PCDHGA12: variants seen among roughly 807,000 people sequenced by gnomAD.
The protein encoded by PCDHGA12 is protocadherin gamma-A12.
A neutral mutation model predicts 61.1 loss-of-function variants in PCDHGA12; 43 were observed. The ratio of observed to expected loss-of-function variants is 0.70; its 90% CI spans 0.55 to 0.91. The LOEUF is 0.91. PCDHGA12 is among the 40% of genes least tolerant of loss of function. The probability of loss-of-function intolerance (pLI) is 0.00; values close to 1 mark genes in which losing one functional copy is unlikely to be tolerated. For synonymous variants in PCDHGA12, 520 were observed against 542.9 expected, an observed-to-expected ratio of 0.96 and a Z score of 0.59; for missense variants, 1,236 against 1,227.7, an observed-to-expected ratio of 1.01 and a Z score of -0.10.
rs1360364370 is a variant in PCDHGA12, at chr5:141,491,814, G to A, written c.2425-2993G>A. 1 of 1,486,114 alleles carries A rather than the reference G, an allele frequency of 6.7e-7. No individual in the cohort carries two copies. The allele number at this position is 1,486,114 out of a possible 1,614,324, so 92.1% of individuals were successfully genotyped here. On this transcript the variant is annotated intron_variant, in intron 1 of 3. Transcript: ENST00000252085. This position sits in a 1 kb window ranked among gnomAD's most constrained non-coding sequence, Gnocchi z 6.9. ...TCCTCTCCGGCCGGCTTGGTCGCTGGCTGCGCTCCACCCGATTCTCGGGAT... is the reference window on the plus strand; with the variant it reads ...TCCTCTCCGGCCGGCTTGGTCGCTGACTGCGCTCCACCCGATTCTCGGGAT...
rs748017565 is a variant in PCDHGA12 at position 141,477,404 on chromosome 5, C to G, written c.2425-17403C>G. ...AGAATACAACCTCAGCATCACCGCCCGAGACGCCGGAACCCCTTCCCTCTC... is the reference window on the plus strand; with the variant it reads ...AGAATACAACCTCAGCATCACCGCCGGAGACGCCGGAACCCCTTCCCTCTC... On this transcript the variant is annotated intron_variant, in intron 1 of 3. Coordinates refer to ENST00000252085, the MANE Select transcript of PCDHGA12 (RefSeq NM_003735.3). The surrounding 1 kb of genome is among the most constrained non-coding windows in gnomAD (Gnocchi z 4.9). The G allele has an allele frequency of 1.9e-6, 3 of 1,614,042 alleles. No homozygotes were observed. Among genetic ancestry groups the G allele is most frequent in the African/African-American group, 1.3e-5 (1 of 74,902 alleles).
chr5:141,499,563 A>C (rs979866448), intron 2 of PCDHGA12, among the ~76,000 whole-genome samples: 3 of 152,242 alleles, frequency 2.0e-5, no homozygotes, highest in Non-Finnish European at 2.9e-5. Context: ...ACCACTATCC[A>C]GCTTCAACTA....
At chr5:141,467,131 C>A (rs1441537783) in intron 1 of PCDHGA12, among the ~76,000 whole-genome samples, 1 of 151,702 alleles carries the variant, frequency 6.6e-6, no homozygotes, top group African/African-American at 2.4e-5. Flanking sequence ...CAGCTCACTG[C>A]AACCTCTGCC....
rs112156044 is a variant in PCDHGA12, at chr5:141,476,771, G to A, written c.2425-18036G>A. The A allele has an allele frequency of 6.2e-7, 1 of 1,613,700 alleles. No homozygotes were observed. The highest frequency in any genetic ancestry group is 1.3e-5 in the African/African-American group (1 of 75,036). On this transcript the variant is annotated intron_variant, in intron 1 of 3. Coordinates refer to ENST00000252085, the MANE Select transcript of PCDHGA12 (RefSeq NM_003735.3). The surrounding 1 kb of genome is among the most constrained non-coding windows in gnomAD (Gnocchi z 7.6). ...CCAGTTAGTGCTGACGGCGTTGGAC[G>A]GAGGGACCCCAGCTCTCTCCGCCAG...
chr5:141,458,347 T>A (rs1351687231), intron 1 of PCDHGA12, among the ~76,000 whole-genome samples: 1 of 151,916 alleles, frequency 6.6e-6, no homozygotes, highest in Non-Finnish European at 1.5e-5. Flanking sequence ...AGTGGAGAGT[T>A]TAATAAGCAA....
At position 141,491,257 on chromosome 5, in the gene PCDHGA12, G is replaced by GAAAT. The variant is rs1562145331; in HGVS notation, c.2425-3549_2425-3546dup. On this transcript the variant is annotated intron_variant, in intron 1 of 3. Transcript: ENST00000252085. The surrounding 1 kb of genome is among the most constrained non-coding windows in gnomAD (Gnocchi z 6.9). ...GGTTCTGGAGGATGAGGACCCTGAG[G>GAAAT]AAATGCCCAAATCCAGTGACTTCCT... is the stretch of plus-strand genomic sequence containing the variant. 6.2e-7 allele frequency: 1 copy of GAAAT among 1,614,170 alleles called. No individual in the cohort carries two copies. Among genetic ancestry groups the GAAAT allele is most frequent in the East Asian group, 2.2e-5 (1 of 44,884 alleles).
Position 141,485,987 on chromosome 5 carries a change from G to T in PCDHGA12, c.2425-8820G>T. 1 of 1,614,170 alleles carries T rather than the reference G, an allele frequency of 6.2e-7. No homozygotes were observed. On this transcript the variant is annotated intron_variant, in intron 1 of 3. Transcript: ENST00000252085. The surrounding 1 kb of genome is among the most constrained non-coding windows in gnomAD (Gnocchi z 5.7). ...GCTCAATGCCTCAGACCCGGACCTG[G>T]GTCCCAGTGGTAACGTCACCTTTTA...
At chr5:141,478,045 T>C in intron 1 of PCDHGA12, 3 of 1,614,144 alleles carry the variant, frequency 1.9e-6, no homozygotes, top group East Asian at 2.2e-5. Flanking sequence ...CCAGGCAGAC[T>C]CTCACGGTCT....
Position 141,431,756 on chromosome 5 carries a change from G to T in PCDHGA12, c.997G>T (p.Val333Phe). The T allele has an allele frequency of 6.2e-7, 1 of 1,614,236 alleles. No individual in the cohort carries two copies. Among genetic ancestry groups the T allele is most frequent in the South Asian group, 1.1e-5 (1 of 91,088 alleles). The change falls in exon 1 of 4, where the codon GTC becomes TTC. Residue 333 changes from valine to phenylalanine, a missense_variant. Val to Phe is a conservative substitution (Grantham distance 50). Transcript: ENST00000252085. This position sits in a 1 kb window ranked among gnomAD's most constrained non-coding sequence, Gnocchi z 4.8. ...DNAGYSARAK[V>F]LITVLDVNDN... Reference sequence around the variant, plus strand: ...TGCAGGATATTCTGCGCGAGCCAAAGTCCTGATCACTGTTCTGGACGTGAA... The same window carrying T: ...TGCAGGATATTCTGCGCGAGCCAAATTCCTGATCACTGTTCTGGACGTGAA...
At chr5:141,456,044 C>T (rs1307913066) in intron 1 of PCDHGA12, among the ~76,000 whole-genome samples, 2 of 151,826 alleles carry the variant, frequency 1.3e-5, no homozygotes, top group African/African-American at 2.4e-5. Context: ...ACTACAGGCG[C>T]CCACCACCAC....
At position 141,460,912 on chromosome 5, in the gene PCDHGA12, G is replaced by GTA. The variant is rs34683754; in HGVS notation, c.2424+27741_2424+27742dup. ...TCGTGGCTGAGTAATATTCCATGGT[G>GTA]TATATATATATATGTGTGTGTGTAT... On this transcript the variant is annotated intron_variant, in intron 1 of 3. Coordinates refer to ENST00000252085, the MANE Select transcript of PCDHGA12 (RefSeq NM_003735.3). Among the ~76,000 whole-genome samples, 731 of 149,318 alleles carry GTA rather than the reference G, an allele frequency of 4.9e-3. 9 individuals carry two copies. Among genetic ancestry groups the GTA allele is most frequent in the African/African-American group, 0.016 (631 of 40,624 alleles).
intron 2 of PCDHGA12, among the ~76,000 whole-genome samples, chr5:141,496,827 C>A (rs1595415247): frequency 6.6e-6 from 1 of 151,780 alleles, no homozygotes; most frequent in East Asian, 1.9e-4. Context: ...TAGATGTGAT[C>A]CCAGAACTCA....
rs2099450974 is a variant in PCDHGA12 at position 141,478,361 on chromosome 5, G to A, written c.2425-16446G>A. 6 of 1,613,776 alleles carry A rather than the reference G, an allele frequency of 3.7e-6. No individual in the cohort carries two copies. The East Asian group carries it at 1.3e-4, about 36-fold the overall frequency. ...CTCCTTGCACGCGGACGCCGTGCGGGGAGGCCTGATGTCGCCGCACCTTTA... is the reference window on the plus strand; with the variant it reads ...CTCCTTGCACGCGGACGCCGTGCGGAGAGGCCTGATGTCGCCGCACCTTTA... On this transcript the variant is annotated intron_variant, in intron 1 of 3. Coordinates refer to ENST00000252085, the MANE Select transcript of PCDHGA12 (RefSeq NM_003735.3).
rs1562131721 is a variant in PCDHGA12, at chr5:141,489,636, C to CGAGA, written c.2425-5171_2425-5170insGAGA. 10 of 1,614,074 alleles carry CGAGA rather than the reference C, an allele frequency of 6.2e-6. No individual in the cohort carries two copies. The highest frequency in any genetic ancestry group is 2.7e-5 in the African/African-American group (2 of 74,930). On this transcript the variant is annotated intron_variant, in intron 1 of 3. Coordinates refer to ENST00000252085, the MANE Select transcript of PCDHGA12 (RefSeq NM_003735.3). This position sits in a 1 kb window ranked among gnomAD's most constrained non-coding sequence, Gnocchi z 4.5. ...TGGATCTCAATGACAACTCTCCTAG[C>CGAGA]TTTGCCACCCCTGAGCGAGAGATGC...
chr5:141,476,584 C>T lies in PCDHGA12; in HGVS notation c.2425-18223C>T. 6.2e-7 allele frequency: 1 copy of T among 1,614,218 alleles called. No individual in the cohort carries two copies. The highest frequency in any genetic ancestry group is 8.5e-7 in the Non-Finnish European group (1 of 1,180,042). ...TGGCTCCGGGGACGCGCTTTCCGCTCGAGAGCGCGCACGATCCCGATGTGG... is the reference window on the plus strand; with the variant it reads ...TGGCTCCGGGGACGCGCTTTCCGCTTGAGAGCGCGCACGATCCCGATGTGG... On this transcript the variant is annotated intron_variant, in intron 1 of 3. Coordinates refer to ENST00000252085, the MANE Select transcript of PCDHGA12 (RefSeq NM_003735.3). The surrounding 1 kb of genome is among the most constrained non-coding windows in gnomAD (Gnocchi z 7.6).
intron 2 of PCDHGA12, among the ~76,000 whole-genome samples, chr5:141,504,402 G>A (rs2099837969): frequency 6.6e-6 from 1 of 152,170 alleles, no homozygotes; most frequent in Admixed American, 6.6e-5. Context: ...AGCCAGTGTG[G>A]TGGAGGAACA....
rs1025148587 is a variant in PCDHGA12 at position 141,431,434 on chromosome 5, C to A, written c.675C>A (p.Thr225=). ...SDGGDPVRTG[T]ARIRVMVLDA... ...GGGGCGACCCGGTGCGCACAGGCAC[C>A]GCGCGCATCCGCGTGATGGTTCTGG... Residue 225 remains threonine (T), a synonymous_variant, in exon 1 of 4, where the codon ACC becomes ACA. Transcript: ENST00000252085. This position sits in a 1 kb window ranked among gnomAD's most constrained non-coding sequence, Gnocchi z 4.8. 1.2e-6 allele frequency: 2 copies of A among 1,613,690 alleles called. No homozygotes were observed. Among genetic ancestry groups the A allele is most frequent in the Admixed American group, 1.7e-5 (1 of 60,014 alleles).
intron 1 of PCDHGA12, among the ~76,000 whole-genome samples, chr5:141,447,898 C>T (rs531933709): frequency 3.1e-3 from 465 of 152,088 alleles, no homozygotes; most frequent in Non-Finnish European, 5.5e-3. Context: ...CCAGCCTGGC[C>T]AACATGGTGA....
At position 141,507,794 on chromosome 5, in the gene PCDHGA12, C is replaced by CT. The variant is rs576191739; in HGVS notation, c.2572+2314dup. On this transcript the variant is annotated intron_variant, in intron 3 of 3. Coordinates refer to ENST00000252085, the MANE Select transcript of PCDHGA12 (RefSeq NM_003735.3). ...CACAGGGCCTGACCCTCGTCTAAGC[C>CT]TGCGCCCTGGGGAACGGACCCTGGG... 7.9e-4 allele frequency among the ~76,000 whole-genome samples: 120 copies of CT among 152,356 alleles called. 2 individuals carry two copies. The highest frequency in any genetic ancestry group is 2.8e-3 in the African/African-American group (115 of 41,592).
Sources: allele counts gnomAD v4.1 joint callset (sites outside exome capture counted in the v4.1 genomes callset), GRCh38; gene constraint gnomAD v4.1.1; non-coding constraint Gnocchi (gnomAD v3.1); transcripts MANE v1.5; gene names NCBI Gene and HGNC (gene_info 2026-07-23, HGNC 2026-07-21).